ABR: variants seen among roughly 807,000 people sequenced by gnomAD.
The protein encoded by ABR is ABR activator of RhoGEF and GTPase.
In ABR, 35 loss-of-function variants were observed where a neutral mutation model predicts 107.2. The observed-to-expected ratio is 0.33, with a 90% confidence interval of 0.25 to 0.43. The LOEUF (loss-of-function observed/expected upper bound fraction) is 0.43. Ranked by LOEUF, ABR falls within the 20% of genes least tolerant of loss-of-function variation. The pLI is 1.00. For missense variants in ABR, 815 were observed against 1,115.2 expected (o/e 0.73, Z 3.83); for synonymous variants, 498 against 462.0 (o/e 1.08, Z -1.00).
intron 2 of ABR, chr17:1,109,157 G>C (rs564124812): frequency 2.1e-6 from 3 of 1,422,770 alleles, no homozygotes; most frequent in South Asian, 1.4e-5. Flanking sequence ...GGGCGGGAGG[G>C]GGGGCAGGTC....
At chr17:1,086,533 C>T (rs1214850293) in intron 4 of ABR, among the ~76,000 whole-genome samples, 1 of 149,790 alleles carries the variant, frequency 6.7e-6, no homozygotes, top group Non-Finnish European at 1.5e-5. Flanking sequence ...TGGAGTCTCG[C>T]TCTGTCAACC....
At chr17:1,147,636 G>C (rs1314447509) in intron 1 of ABR, among the ~76,000 whole-genome samples, 1 of 152,056 alleles carries the variant, frequency 6.6e-6, no homozygotes, top group African/African-American at 2.4e-5. Flanking sequence ...GCCGGGATTA[G>C]TGTGAGCTAC....
intron 8 of ABR, among the ~76,000 whole-genome samples, chr17:1,072,284 G>C (rs2035299334): frequency 1.3e-5 from 2 of 152,198 alleles, no homozygotes; most frequent in South Asian, 4.1e-4. Flanking sequence ...GGTCATCAGG[G>C]TGACCAAGGG....
chr17:1,221,169 C>T (rs1261144443), intron 1 of ABR, among the ~76,000 whole-genome samples: 3 of 152,212 alleles, frequency 2.0e-5, no homozygotes, highest in African/African-American at 7.2e-5. Context: ...TTCCTTGTAA[C>T]AGAGCCCCTA....
At chr17:1,006,277 G>A (rs1464277168) in intron 22 of ABR, 108 bp from the exon 23 acceptor site, 36 of 1,019,110 alleles carry the variant, frequency 3.5e-5, no homozygotes, top group South Asian at 2.9e-4. Context: ...TCCGGCCACC[G>A]CCCCTTCCTG....
chr17:1,019,538 T>C (rs76417085), intron 16 of ABR, among the ~76,000 whole-genome samples: 5,558 of 151,954 alleles, frequency 0.037, 319 homozygotes, highest in African/African-American at 0.13. Context: ...GAGGCCTGCC[T>C]GGCCCCACGG....
intron 5 of ABR, 79 bp from the exon 6 acceptor site, chr17:1,079,469 GGGAGTTC>G (rs1216929173): frequency 1.0e-5 from 14 of 1,365,704 alleles, no homozygotes; most frequent in Non-Finnish European, 1.4e-5. Context: ...TGGCAAGAAG[GGGAGTTC>G]TGAAACTCAG....
intron 1 of ABR, among the ~76,000 whole-genome samples, chr17:1,166,664 T>C (rs947459468): frequency 2.0e-5 from 3 of 152,138 alleles, no homozygotes; most frequent in Non-Finnish European, 2.9e-5. Flanking sequence ...GTCCTTCCCA[T>C]CCAGTGTGGG....
At chr17:1,013,367 G>C (rs1410088803) in intron 16 of ABR, among the ~76,000 whole-genome samples, 1 of 148,986 alleles carries the variant, frequency 6.7e-6, no homozygotes. Flanking sequence ...GGGGGAGGCA[G>C]GGCACACCCT....
At chr17:1,162,937 T>A (rs941732526) in intron 1 of ABR, among the ~76,000 whole-genome samples, 1 of 152,214 alleles carries the variant, frequency 6.6e-6, no homozygotes, top group African/African-American at 2.4e-5. Context: ...CTGGGCTTGG[T>A]GCTGGGTGCC....
chr17:1,031,882 CCCTCCCTCCCTCCGTCCGCGTCCCT>C (rs1383265470), intron 16 of ABR: 6 of 1,148,528 alleles, frequency 5.2e-6, no homozygotes, highest in Admixed American at 4.7e-5. Flanking sequence ...GCGCTCCCCT[CCCTCCCTCCCTCCGTCCGCGTCCCT>C]CCTCCCTCCT....
chr17:1,105,254 C>T (rs748289430), intron 2 of ABR, among the ~76,000 whole-genome samples: 21 of 152,006 alleles, frequency 1.4e-4, no homozygotes, highest in Admixed American at 5.9e-4. Context: ...TGATCCACCG[C>T]GCCCAGTCTC....
At chr17:1,058,136 C>CT (rs71148422) in intron 11 of ABR, 91 bp from the exon 12 acceptor site, 68,932 of 315,158 alleles carry the variant, frequency 0.22, 2,881 homozygotes, top group South Asian at 0.24. Context: ...CTCCTTTTAT[C>CT]TTTTTTTTTT....
chr17:1,021,536 T>G (rs772334259), intron 16 of ABR, among the ~76,000 whole-genome samples: 1 of 152,200 alleles, frequency 6.6e-6, no homozygotes, highest in Non-Finnish European at 1.5e-5. Context: ...CCAGGTGCGG[T>G]GGCTCACGCC....
At chr17:1,211,534 T>A (rs1452893468) in intron 1 of ABR, among the ~76,000 whole-genome samples, 1 of 152,180 alleles carries the variant, frequency 6.6e-6, no homozygotes, top group African/African-American at 2.4e-5. Context: ...TTATTCACCG[T>A]GATTTTTTTA....
At chr17:1,217,423 A>G (rs772193821) in intron 1 of ABR, among the ~76,000 whole-genome samples, 4 of 152,188 alleles carry the variant, frequency 2.6e-5, no homozygotes, top group Admixed American at 6.5e-5. Context: ...AACTAGTAAC[A>G]GTGGGGATAA....
rs1232011145 is a variant in ABR at position 1,078,530 on chromosome 17, AG to A, written c.700+799del. Among the ~76,000 whole-genome samples, 1 of 152,006 alleles carries A rather than the reference AG, an allele frequency of 6.6e-6. No individual in the cohort carries two copies. The highest frequency in any genetic ancestry group is 1.5e-5 in the Non-Finnish European group (1 of 67,996). On this transcript the variant is annotated intron_variant, in intron 6 of 22. Coordinates refer to ENST00000302538, the MANE Select transcript of ABR (RefSeq NM_021962.5). This position sits in a 1 kb window ranked among gnomAD's most constrained non-coding sequence, Gnocchi z 7.5. ...GCCGTCTCTCCCTAACAGCCCCTCC[AG>A]GAAGTTCTCTCACACTAGCCCACCA...
chr17:1,087,712 C>T (rs897955032), intron 4 of ABR, among the ~76,000 whole-genome samples: 5 of 152,110 alleles, frequency 3.3e-5, no homozygotes, highest in African/African-American at 1.2e-4. Context: ...GTCAGATCAC[C>T]GATATTCTTC....
At chr17:1,119,778 G>C (rs2039259838) in intron 2 of ABR, among the ~76,000 whole-genome samples, 1 of 152,226 alleles carries the variant, frequency 6.6e-6, no homozygotes, top group Non-Finnish European at 1.5e-5. Flanking sequence ...ACAAGGGAGG[G>C]CGTGTGAGCG....
Sources: gnomAD v4.1 joint callset for allele counts (sites outside exome capture counted in the v4.1 genomes callset) on GRCh38, gnomAD v4.1.1 for gene constraint, Gnocchi (gnomAD v3.1) non-coding constraint, MANE v1.5 for transcripts, NCBI Gene and HGNC (gene_info 2026-07-23, HGNC 2026-07-21) for gene names.